The following EPHB1 variants were observed in gnomAD, a reference collection of about 807,000 sequenced individuals.
The protein encoded by EPHB1 is EPH receptor B1.
Under a neutral mutation model 94.4 loss-of-function variants are expected in EPHB1, and 30 were observed. The observed-to-expected ratio is 0.32, with a 90% CI of 0.24 to 0.43. The LOEUF (loss-of-function observed/expected upper bound fraction) is 0.43. Ranked by LOEUF, EPHB1 falls within the 20% of genes least tolerant of loss-of-function variation. The probability of loss-of-function intolerance (pLI) is 1.00; values close to 1 mark genes in which losing one functional copy is unlikely to be tolerated. For synonymous variants in EPHB1, 522 were observed against 489.1 expected, an observed-to-expected ratio of 1.07 and a Z score of -0.89; for missense variants, 1,055 against 1,308.3, an observed-to-expected ratio of 0.81 and a Z score of 2.99.
chr3:135,227,792 C>T (rs1419966535), intron 12 of EPHB1, among the ~76,000 whole-genome samples: 7 of 152,108 alleles, frequency 4.6e-5, no homozygotes, highest in Non-Finnish European at 8.8e-5. Context: ...AAGAATAATA[C>T]AGACAACACT....
At chr3:135,253,577 T>G (rs1933227262) in intron 15 of EPHB1, among the ~76,000 whole-genome samples, 1 of 150,980 alleles carries the variant, frequency 6.6e-6, no homozygotes, top group South Asian at 2.1e-4. Context: ...TCTATATCTC[T>G]GTTTTGGTAC....
intron 1 of EPHB1, among the ~76,000 whole-genome samples, chr3:134,900,954 T>C (rs2038188230): frequency 6.6e-6 from 1 of 152,188 alleles, no homozygotes; most frequent in South Asian, 2.1e-4. Flanking sequence ...AAATTGTTAG[T>C]TGCAAATGTG....
intron 1 of EPHB1, among the ~76,000 whole-genome samples, chr3:134,919,200 A>G (rs2038628599): frequency 6.6e-6 from 1 of 152,368 alleles, no homozygotes; most frequent in East Asian, 1.9e-4. Flanking sequence ...TCAAAACTAA[A>G]TGCTGCTGAA....
intron 10 of EPHB1, among the ~76,000 whole-genome samples, chr3:135,182,143 T>C (rs1345425711): frequency 1.2e-4 from 19 of 152,274 alleles, no homozygotes; most frequent in Non-Finnish European, 1.2e-4. Flanking sequence ...TCCTCTACCA[T>C]CACTCTCATT....
intron 3 of EPHB1, among the ~76,000 whole-genome samples, chr3:134,970,756 A>G (rs1320978375): frequency 6.6e-6 from 1 of 152,220 alleles, no homozygotes; most frequent in Non-Finnish European, 1.5e-5. Context: ...AGCAGCAGCT[A>G]TCAGATGCGA....
intron 1 of EPHB1, among the ~76,000 whole-genome samples, chr3:134,814,494 A>G (rs1296224782): frequency 3.9e-5 from 6 of 152,292 alleles, no homozygotes; most frequent in Middle Eastern, 3.4e-3. Context: ...AGAGTGGGCT[A>G]TGGTAACCAG....
intron 3 of EPHB1, among the ~76,000 whole-genome samples, chr3:135,046,293 C>T (rs964173614): frequency 2.0e-5 from 3 of 152,208 alleles, no homozygotes; most frequent in Non-Finnish European, 4.4e-5. Context: ...ATAGCTCTTG[C>T]TACGTTGTAT....
chr3:134,984,438 A>G (rs1034795525), intron 3 of EPHB1, among the ~76,000 whole-genome samples: 7 of 152,220 alleles, frequency 4.6e-5, no homozygotes, highest in Non-Finnish European at 1.0e-4. Flanking sequence ...GCAGTGTCCA[A>G]AGGAAGAATA....
chr3:135,074,794 G>T (rs1212924272), intron 3 of EPHB1, among the ~76,000 whole-genome samples: 1 of 152,122 alleles, frequency 6.6e-6, no homozygotes, highest in Non-Finnish European at 1.5e-5. Context: ...ACATTTTGGG[G>T]AGCTCTCCTT....
intron 3 of EPHB1, among the ~76,000 whole-genome samples, chr3:135,007,075 G>T (rs1273458556): frequency 6.6e-6 from 1 of 152,160 alleles, no homozygotes; most frequent in Admixed American, 6.5e-5. Context: ...CAAAAGGAAG[G>T]CTGGCTGCCT....
intron 3 of EPHB1, among the ~76,000 whole-genome samples, chr3:134,955,761 T>A (rs956586655): frequency 1.3e-5 from 2 of 152,224 alleles, no homozygotes; most frequent in African/African-American, 2.4e-5. Flanking sequence ...CAGAGTCACA[T>A]TGGCCTGCTG....
At chr3:135,006,210 G>A (rs1173805064) in intron 3 of EPHB1, among the ~76,000 whole-genome samples, 1 of 152,124 alleles carries the variant, frequency 6.6e-6, no homozygotes, top group Non-Finnish European at 1.5e-5. Flanking sequence ...ACTAATACAA[G>A]TACTAAGTGA....
chr3:134,955,594 C>T (rs1428421081), intron 3 of EPHB1, among the ~76,000 whole-genome samples: 1 of 98,974 alleles, frequency 1.0e-5, no homozygotes, highest in East Asian at 2.2e-4. Context: ...ACTAGAAATA[C>T]CATTTGACCC....
chr3:135,132,720 C>A lies in EPHB1; in HGVS notation c.968C>A (p.Pro323Gln). The change falls in exon 5 of 16, where the codon CCA becomes CAA. Residue 323 changes from proline to glutamine, a missense_variant. By Grantham distance (76) the Pro-to-Gln change is moderately conservative. Transcript: ENST00000398015. ...DPPEVACTSV[P>Q]SGPRNVISIV... ...CTTCTTTGTCTCCCTGCAGGCGTCCCATCAGGTCCCCGCAATGTTATCTCC... is the reference window on the plus strand; with the variant it reads ...CTTCTTTGTCTCCCTGCAGGCGTCCAATCAGGTCCCCGCAATGTTATCTCC... The A allele has an allele frequency of 6.3e-7, 1 of 1,585,476 alleles. No homozygotes were observed. Among genetic ancestry groups the A allele is most frequent in the Non-Finnish European group, 8.6e-7 (1 of 1,161,254 alleles).
At chr3:134,957,653 A>T (rs1933333414) in intron 3 of EPHB1, among the ~76,000 whole-genome samples, 2 of 152,162 alleles carry the variant, frequency 1.3e-5, no homozygotes, top group African/African-American at 4.8e-5. Flanking sequence ...CTGAAGACTG[A>T]CTGTCTGGGT....
intron 4 of EPHB1, among the ~76,000 whole-genome samples, chr3:135,129,870 G>A (rs1045906120): frequency 4.6e-5 from 7 of 152,242 alleles, no homozygotes; most frequent in Admixed American, 2.0e-4. Context: ...TCAGAGATAA[G>A]AAGAGAGTTT....
chr3:134,979,644 G>A (rs1001574268), intron 3 of EPHB1, among the ~76,000 whole-genome samples: 3 of 152,152 alleles, frequency 2.0e-5, no homozygotes, highest in African/African-American at 7.2e-5. Flanking sequence ...CTTTATAATG[G>A]TGCAAAAGTA....
At chr3:135,025,160 TC>T (rs1936112246) in intron 3 of EPHB1, among the ~76,000 whole-genome samples, 1 of 79,886 alleles carries the variant, frequency 1.3e-5, no homozygotes, top group African/African-American at 4.6e-5. Context: ...CCTCCTTCCT[TC>T]TTTCTTTTTT....
chr3:134,805,587 A>G (rs1028668084), intron 1 of EPHB1, among the ~76,000 whole-genome samples: 6 of 152,008 alleles, frequency 3.9e-5, no homozygotes, highest in African/African-American at 1.5e-4. Context: ...ACACAGGTAC[A>G]TGTGTACACA....
Sources: gnomAD v4.1 joint callset for allele counts (sites outside exome capture counted in the v4.1 genomes callset) on GRCh38, gnomAD v4.1.1 for gene constraint, MANE v1.5 for transcripts, NCBI Gene and HGNC (gene_info 2026-07-23, HGNC 2026-07-21) for gene names.